Variants in CD226 observed in about 807,000 individuals in gnomAD.
CD226 encodes the protein CD226 antigen.
A neutral mutation model predicts 34.9 loss-of-function variants in CD226; 24 were observed. That is an observed-to-expected ratio of 0.69 (90% CI 0.50 to 0.97). The LOEUF (loss-of-function observed/expected upper bound fraction) is 0.97, where lower values mean the gene tolerates loss of function less well. Among genes scored for constraint, CD226 ranks in the 50% least tolerant of loss-of-function variants. The probability of loss-of-function intolerance (pLI) is 0.00; values close to 1 mark genes in which losing one functional copy is unlikely to be tolerated. For missense variants in CD226, 397 were observed against 412.7 expected, an observed-to-expected ratio of 0.96 and a Z score of 0.33; for synonymous variants, 148 against 147.4, an observed-to-expected ratio of 1.00 and a Z score of -0.03.
chr18:69,862,702 T>C lies in CD226; in HGVS notation c.*1612A>G, dbSNP rs1982888670. The C allele has an allele frequency of 6.7e-6, 1 of 149,888 alleles. No homozygotes were observed. The highest frequency in any genetic ancestry group is 1.5e-5 in the Non-Finnish European group (1 of 67,412). 9.3% of individuals were successfully genotyped at this position (149,888 alleles called of 1,614,324 possible). The stretch of plus-strand genomic sequence containing the variant: ...AAACAAGTGCATTATTTGGCATACA[T>C]GGTGTTTAAGGCTAAAATCATAAAA... On this transcript the variant is annotated 3_prime_UTR_variant, in exon 6 of 6. Transcript: ENST00000582621.
intron 2 of CD226, among the ~76,000 whole-genome samples, chr18:69,935,372 A>G (rs551112491): frequency 6.6e-6 from 1 of 152,342 alleles, no homozygotes; most frequent in Non-Finnish European, 1.5e-5. Context: ...AACAATGCCC[A>G]CTATCTGCAG....
At chr18:69,916,608 C>T (rs962920207) in intron 2 of CD226, among the ~76,000 whole-genome samples, 2 of 152,162 alleles carry the variant, frequency 1.3e-5, no homozygotes, top group African/African-American at 4.8e-5. Flanking sequence ...TCAAACCACA[C>T]AATATTTTTT....
intron 1 of CD226, among the ~76,000 whole-genome samples, chr18:69,954,429 G>A (rs1282427896): frequency 6.6e-6 from 1 of 152,214 alleles, no homozygotes; most frequent in African/African-American, 2.4e-5. Flanking sequence ...TTCTGAGGGA[G>A]GGGTCAGGGT....
chr18:69,885,157 T>C (rs1425134491), intron 3 of CD226, among the ~76,000 whole-genome samples: 1 of 152,292 alleles, frequency 6.6e-6, no homozygotes, highest in South Asian at 2.1e-4. Flanking sequence ...GAAATCAAGA[T>C]AAACAACCTG....
chr18:69,940,341 G>A (rs1007622664), intron 2 of CD226, among the ~76,000 whole-genome samples: 1 of 152,224 alleles, frequency 6.6e-6, no homozygotes, highest in African/African-American at 2.4e-5. Context: ...GTGGAGGGTT[G>A]CTGTAAAGAT....
intron 2 of CD226, among the ~76,000 whole-genome samples, chr18:69,904,361 C>T (rs1200470322): frequency 6.6e-6 from 1 of 152,184 alleles, no homozygotes; most frequent in East Asian, 1.9e-4. Flanking sequence ...ACTTGCAATG[C>T]AGGCCCCGGC....
intron 4 of CD226, among the ~76,000 whole-genome samples, chr18:69,869,795 T>C (rs1392181718): frequency 6.8e-6 from 1 of 148,138 alleles, no homozygotes; most frequent in African/African-American, 2.5e-5. Flanking sequence ...ATTTTCTTTT[T>C]TTTCTTTTTT....
chr18:69,939,242 T>C (rs2055693214), intron 2 of CD226, among the ~76,000 whole-genome samples: 1 of 152,236 alleles, frequency 6.6e-6, no homozygotes, highest in Admixed American at 6.5e-5. Context: ...ATCCCCCACC[T>C]ACCATGTTTC....
chr18:69,897,515 A>G (rs1985366023), intron 2 of CD226, among the ~76,000 whole-genome samples: 2 of 152,180 alleles, frequency 1.3e-5, no homozygotes, highest in Non-Finnish European at 2.9e-5. Context: ...TCTGGCACTA[A>G]GGGAGAAATG....
In CD226 at chr18:69,861,001, A is replaced by T. The variant is rs368115826; in HGVS notation, c.*3313T>A. 15 of 152,076 alleles carry T rather than the reference A, an allele frequency of 9.9e-5. No homozygotes were observed. Among genetic ancestry groups the T allele is most frequent in the African/African-American group, 3.6e-4 (15 of 41,438 alleles). 9.4% of individuals were successfully genotyped at this position (152,076 alleles called of 1,614,324 possible). ...TCTAATTACAATGTGGACTCTCTCAATTTAGAAAACTACTGTTATACAGCT... is the reference window on the plus strand; with the variant it reads ...TCTAATTACAATGTGGACTCTCTCATTTTAGAAAACTACTGTTATACAGCT... On this transcript the variant is annotated 3_prime_UTR_variant, in exon 6 of 6. Coordinates refer to ENST00000582621, the MANE Select transcript of CD226 (RefSeq NM_001303618.2).
intron 3 of CD226, 127 bp downstream of exon 3, chr18:69,895,574 A>G (rs1384819200): frequency 1.4e-6 from 1 of 703,888 alleles, no homozygotes; most frequent in Non-Finnish European, 2.5e-6. Flanking sequence ...ACCTAAATTC[A>G]GCCATTTAAA....
At chr18:69,938,998 A>G (rs1452733560) in intron 2 of CD226, among the ~76,000 whole-genome samples, 1 of 152,194 alleles carries the variant, frequency 6.6e-6, no homozygotes, top group African/African-American at 2.4e-5. Flanking sequence ...AGGCAGGAGA[A>G]CCACTTGAAC....
chr18:69,858,566 G>A lies in CD226; in HGVS notation c.*5748C>T, dbSNP rs960475164. 1 of 152,142 alleles carries A rather than the reference G, an allele frequency of 6.6e-6. No individual in the cohort carries two copies. The highest frequency in any genetic ancestry group is 2.4e-5 in the African/African-American group (1 of 41,406). 9.4% of individuals were successfully genotyped at this position (152,142 alleles called of 1,614,324 possible). A position where few individuals can be genotyped will look rare whatever the true frequency, so the allele number is the denominator to read the frequency against. On this transcript the variant is annotated 3_prime_UTR_variant, in exon 6 of 6. Coordinates refer to ENST00000582621, the MANE Select transcript of CD226 (RefSeq NM_001303618.2). ...CAGATTCACTGCCCTGTGTTCTAGG[G>A]AGGGTATCGAAGCCCAAATTGTTGC...
At chr18:69,924,229 A>G (rs1332692112) in intron 2 of CD226, among the ~76,000 whole-genome samples, 1 of 152,180 alleles carries the variant, frequency 6.6e-6, no homozygotes, top group African/African-American at 2.4e-5. Context: ...TCTGCATCGT[A>G]TCTTGAATTC....
intron 4 of CD226, 51 bp from the exon 5 acceptor site, chr18:69,867,462 A>C: frequency 8.3e-7 from 1 of 1,205,646 alleles, no homozygotes; most frequent in Non-Finnish European, 1.2e-6. Flanking sequence ...TCCAGTACTA[A>C]TATTATTTCG....
At chr18:69,902,882 A>C (rs2055205341) in intron 2 of CD226, among the ~76,000 whole-genome samples, 1 of 152,114 alleles carries the variant, frequency 6.6e-6, no homozygotes, top group African/African-American at 2.4e-5. Flanking sequence ...ACGTATTCCC[A>C]ACTGTGCCTA....
Position 69,896,021 on chromosome 18 carries a change from G to C in CD226, c.407C>G (p.Ser136Ter). Reference protein sequence around the residue: ...QSDSFEAAVPSNSHIVSEPGK... With the variant: ...QSDSFEAAVP ...AGGTTCCGAAACAATGTGGCTATTTGATGGCACAGCTGCCTCAAAACTATC... is the reference window on the plus strand; with the variant it reads ...AGGTTCCGAAACAATGTGGCTATTTCATGGCACAGCTGCCTCAAAACTATC... Residue 136 changes from serine to a stop codon, truncating the protein, a stop_gained, in exon 3 of 6, where the codon TCA (serine) becomes TGA (stop). Transcript: ENST00000582621. LOFTEE classifies it high-confidence loss of function. The C allele has an allele frequency of 4.3e-6, 7 of 1,610,936 alleles. No homozygotes were observed. Among genetic ancestry groups the C allele is most frequent in the Non-Finnish European group, 5.9e-6 (7 of 1,179,264 alleles).
At chr18:69,935,054 G>A (rs186359298) in intron 2 of CD226, among the ~76,000 whole-genome samples, 154 of 152,210 alleles carry the variant, frequency 1.0e-3, no homozygotes, top group Middle Eastern at 3.4e-3. Flanking sequence ...TTTTATCGAC[G>A]CTACCTAAAC....
At chr18:69,894,814 A>G (rs553650251) in intron 3 of CD226, among the ~76,000 whole-genome samples, 73 of 151,990 alleles carry the variant, frequency 4.8e-4, no homozygotes, top group Non-Finnish European at 8.7e-4. Flanking sequence ...AGACCTCTAT[A>G]TGGGCCTCTC....
Sources: gnomAD v4.1 joint callset for allele counts (sites outside exome capture counted in the v4.1 genomes callset) on GRCh38, gnomAD v4.1.1 for gene constraint, MANE v1.5 for transcripts, NCBI Gene and HGNC (gene_info 2026-07-23, HGNC 2026-07-21) for gene names.